The following NRG3 variants were observed in gnomAD, a reference collection of about 807,000 sequenced individuals.
NRG3 encodes the protein neuregulin 3.
NRG3 carries 31 observed loss-of-function variants against 66.9 expected under a neutral mutation model. The observed-to-expected ratio is 0.46, with a 90% CI of 0.35 to 0.63. NRG3 has a LOEUF of 0.63. NRG3 is among the 20% of genes least tolerant of loss of function. NRG3 has a pLI of 0.00. For missense variants in NRG3, 910 were observed against 878.9 expected (o/e 1.04, Z -0.45); for synonymous variants, 393 against 359.4 (o/e 1.09, Z -1.06).
chr10:82,300,433 A>G (rs1244455643), intron 1 of NRG3, among the ~76,000 whole-genome samples: 1 of 152,170 alleles, frequency 6.6e-6, no homozygotes. Context: ...GACAGTTTTC[A>G]TATTTTACCA....
At chr10:82,230,354 C>A (rs1589399564) in intron 1 of NRG3, 1 of 152,108 alleles carries the variant, frequency 6.6e-6, no homozygotes, top group South Asian at 2.1e-4. Context: ...AACAGGGAAT[C>A]TTTTGGGGAG....
At chr10:82,775,288 G>T (rs117452533) in intron 3 of NRG3, among the ~76,000 whole-genome samples, 1 of 150,610 alleles carries the variant, frequency 6.6e-6, no homozygotes, top group Non-Finnish European at 1.5e-5. Flanking sequence ...TATCCCATAG[G>T]TTTTTATATG....
At chr10:81,983,495 A>C (rs1444131162) in intron 1 of NRG3, among the ~76,000 whole-genome samples, 1 of 152,102 alleles carries the variant, frequency 6.6e-6, no homozygotes, top group Admixed American at 6.5e-5. Context: ...TGTGTGATGC[A>C]ATTTGTCACC....
chr10:82,455,598 C>T (rs1049984590), intron 2 of NRG3, among the ~76,000 whole-genome samples: 1 of 150,824 alleles, frequency 6.6e-6, no homozygotes, highest in Non-Finnish European at 1.5e-5. Flanking sequence ...ACACTGGGCA[C>T]TTAGATTACA....
intron 2 of NRG3, among the ~76,000 whole-genome samples, chr10:82,421,672 G>C (rs927044983): frequency 1.3e-5 from 2 of 151,884 alleles, no homozygotes; most frequent in Non-Finnish European, 2.9e-5. Flanking sequence ...TCTTTTCGTG[G>C]CCATAGTGAG....
chr10:82,909,345 T>C (rs142347026), intron 4 of NRG3, among the ~76,000 whole-genome samples: 1 of 152,120 alleles, frequency 6.6e-6, no homozygotes, highest in Non-Finnish European at 1.5e-5. Flanking sequence ...AGGTTGAACA[T>C]CCCTAATCTG....
intron 2 of NRG3, among the ~76,000 whole-genome samples, chr10:82,637,389 A>G (rs2050273160): frequency 6.6e-6 from 1 of 152,160 alleles, no homozygotes; most frequent in African/African-American, 2.4e-5. Flanking sequence ...GAGGAACAGG[A>G]TATTTACATG....
intron 5 of NRG3, among the ~76,000 whole-genome samples, chr10:82,954,529 C>T (rs553727760): frequency 6.6e-6 from 1 of 151,992 alleles, no homozygotes; most frequent in East Asian, 1.9e-4. Context: ...GTCTACCAGC[C>T]TGGGACACAG....
chr10:81,972,118 T>A (rs1336121542), intron 1 of NRG3, among the ~76,000 whole-genome samples: 1 of 152,178 alleles, frequency 6.6e-6, no homozygotes, highest in East Asian at 1.9e-4. Context: ...TGGAGACTAA[T>A]TAGGCATAGA....
chr10:82,625,934 A>G (rs1203586571), intron 2 of NRG3, among the ~76,000 whole-genome samples: 1 of 152,182 alleles, frequency 6.6e-6, no homozygotes. Flanking sequence ...TGCATTGGAA[A>G]TCATGGGCTT....
rs114901060 is a variant in NRG3 at position 82,134,449 on chromosome 10, A to C, written c.824-224290A>C. ...TTGATTTTGGTATATCGTATAAGGAAAGGGTCCAGCTTCAGTCTTCTGCTT... is the reference window on the plus strand; with the variant it reads ...TTGATTTTGGTATATCGTATAAGGACAGGGTCCAGCTTCAGTCTTCTGCTT... On this transcript the variant is annotated intron_variant, in intron 1 of 8. Coordinates refer to ENST00000372141, the MANE Select transcript of NRG3 (RefSeq NM_001010848.4). 4.0e-3 allele frequency among the ~76,000 whole-genome samples: 604 copies of C among 152,188 alleles called. 5 individuals are homozygous for C. The highest frequency in any genetic ancestry group is 0.014 in the African/African-American group (580 of 41,528).
chr10:82,586,972 A>G (rs920278446), intron 2 of NRG3, among the ~76,000 whole-genome samples: 2 of 152,192 alleles, frequency 1.3e-5, no homozygotes, highest in African/African-American at 2.4e-5. Context: ...TTTTTAAATG[A>G]TACTGAAATC....
intron 1 of NRG3, among the ~76,000 whole-genome samples, chr10:82,341,195 A>C (rs1237498955): frequency 6.6e-6 from 1 of 152,144 alleles, no homozygotes; most frequent in African/African-American, 2.4e-5. Context: ...TGAATGAACT[A>C]CTAAAAAACG....
At chr10:82,441,548 C>T (rs2090432179) in intron 2 of NRG3, among the ~76,000 whole-genome samples, 1 of 152,110 alleles carries the variant, frequency 6.6e-6, no homozygotes, top group Non-Finnish European at 1.5e-5. Flanking sequence ...GTACAAGAGG[C>T]CAATTCAATG....
chr10:82,049,501 C>T (rs975483180), intron 1 of NRG3, among the ~76,000 whole-genome samples: 1 of 152,072 alleles, frequency 6.6e-6, no homozygotes, highest in African/African-American at 2.4e-5. Context: ...TGCCAAGTAA[C>T]TTTCCAAAAT....
At chr10:82,003,227 A>G (rs1255248674) in intron 1 of NRG3, among the ~76,000 whole-genome samples, 1 of 152,212 alleles carries the variant, frequency 6.6e-6, no homozygotes, top group Non-Finnish European at 1.5e-5. Flanking sequence ...GCTCATGGGC[A>G]GAATCATGAG....
intron 1 of NRG3, among the ~76,000 whole-genome samples, chr10:82,222,053 G>C (rs534303766): frequency 6.6e-6 from 1 of 151,660 alleles, no homozygotes; most frequent in East Asian, 2.0e-4. Context: ...CTTTTTCTGT[G>C]TCCCTTTGTT....
intron 6 of NRG3, among the ~76,000 whole-genome samples, chr10:82,972,358 T>A (rs1240238330): frequency 1.3e-5 from 2 of 152,198 alleles, no homozygotes; most frequent in Non-Finnish European, 2.9e-5. Context: ...CTTTTTATGT[T>A]CTTTTTCTTA....
At chr10:82,223,363 G>A in intron 1 of NRG3, among the ~76,000 whole-genome samples, 1 of 152,062 alleles carries the variant, frequency 6.6e-6, no homozygotes, top group Admixed American at 6.6e-5. Flanking sequence ...AAGACAGGCT[G>A]TCTGTTCATA....
Sources: gnomAD v4.1 joint callset for allele counts (sites outside exome capture counted in the v4.1 genomes callset) on GRCh38, gnomAD v4.1.1 for gene constraint, MANE v1.5 for transcripts, NCBI Gene and HGNC (gene_info 2026-07-23, HGNC 2026-07-21) for gene names.